FBXL13: variants seen among roughly 807,000 people sequenced by gnomAD.
The protein encoded by FBXL13 is F-box and leucine rich repeat protein 13, also known as F-box and leucine-rich repeat protein 13.
Under a neutral mutation model 83.6 loss-of-function variants are expected in FBXL13, and 67 were observed. The ratio of observed to expected loss-of-function variants is 0.80; its 90% CI spans 0.66 to 0.98. The LOEUF (loss-of-function observed/expected upper bound fraction) is 0.98. Ranked by LOEUF, FBXL13 falls within the 50% of genes least tolerant of loss-of-function variation. The probability of loss-of-function intolerance (pLI) is 0.00; values close to 1 mark genes in which losing one functional copy is unlikely to be tolerated. For synonymous variants in FBXL13, 272 were observed against 299.5 expected (o/e 0.91, Z 0.95); for missense variants, 822 against 866.5 (o/e 0.95, Z 0.64).
chr7:102,831,219 T>C (rs1174014594), intron 18 of FBXL13, among the ~76,000 whole-genome samples: 1 of 152,062 alleles, frequency 6.6e-6, no homozygotes, highest in African/African-American at 2.4e-5. Flanking sequence ...GTCACTTAGT[T>C]AGCCTAGCAA....
intron 18 of FBXL13, among the ~76,000 whole-genome samples, chr7:102,823,839 G>A (rs1799164135): frequency 6.6e-6 from 1 of 152,168 alleles, no homozygotes; most frequent in African/African-American, 2.4e-5. Context: ...AACACGCTTT[G>A]TTTCCGGAAC....
chr7:102,899,426 T>C (rs567079462), intron 11 of FBXL13, among the ~76,000 whole-genome samples: 15 of 152,340 alleles, frequency 9.8e-5, no homozygotes, highest in African/African-American at 3.1e-4. Context: ...GGCTTCTTTG[T>C]GAAGATTTCA....
At chr7:103,036,598 C>T (rs1200836222) in intron 2 of FBXL13, among the ~76,000 whole-genome samples, 2 of 152,116 alleles carry the variant, frequency 1.3e-5, no homozygotes, top group Non-Finnish European at 2.9e-5. Context: ...CTGCAATCTC[C>T]ACTCCCCGGT....
intron 2 of FBXL13, among the ~76,000 whole-genome samples, chr7:103,034,745 G>C (rs972568611): frequency 1.3e-5 from 2 of 152,242 alleles, no homozygotes; most frequent in South Asian, 4.1e-4. Context: ...TGCGAGGGCT[G>C]CCAGCACACT....
At chr7:102,897,951 T>C (rs1439593778) in intron 11 of FBXL13, among the ~76,000 whole-genome samples, 1 of 152,208 alleles carries the variant, frequency 6.6e-6, no homozygotes, top group Non-Finnish European at 1.5e-5. Context: ...ACTCCTTTTG[T>C]AATATACTTA....
intron 16 of FBXL13, among the ~76,000 whole-genome samples, chr7:102,868,417 T>C (rs1056024897): frequency 2.0e-5 from 3 of 152,204 alleles, no homozygotes; most frequent in African/African-American, 7.2e-5. Context: ...GATATTTGTC[T>C]TTCTGTGCTT....
chr7:103,044,458 A>G (rs1796066495), intron 2 of FBXL13, among the ~76,000 whole-genome samples: 1 of 152,218 alleles, frequency 6.6e-6, no homozygotes, highest in Non-Finnish European at 1.5e-5. Context: ...TTTATTCATA[A>G]GACAGTGGCA....
chr7:102,907,162 A>C (rs1813890093), intron 11 of FBXL13, among the ~76,000 whole-genome samples: 1 of 152,058 alleles, frequency 6.6e-6, no homozygotes, highest in African/African-American at 2.4e-5. Context: ...TAGTAAAGAC[A>C]GGGTTTCACC....
intron 6 of FBXL13, among the ~76,000 whole-genome samples, chr7:102,982,966 C>T (rs1828439741): frequency 6.6e-6 from 1 of 152,184 alleles, no homozygotes; most frequent in South Asian, 2.1e-4. Context: ...ATCCCATACC[C>T]TCATTATCCA....
At chr7:102,978,874 G>A (rs1303500535) in intron 6 of FBXL13, among the ~76,000 whole-genome samples, 3 of 152,126 alleles carry the variant, frequency 2.0e-5, no homozygotes, top group Non-Finnish European at 4.4e-5. Flanking sequence ...GTGACAAGGA[G>A]AATCTGACAA....
intron 16 of FBXL13, among the ~76,000 whole-genome samples, chr7:102,870,521 T>C (rs1253847742): frequency 6.6e-6 from 1 of 152,128 alleles, no homozygotes; most frequent in Non-Finnish European, 1.5e-5. Context: ...TTATCATCAG[T>C]GATTACTTGC....
chr7:102,886,830 G>GA (rs1235616840), intron 11 of FBXL13, among the ~76,000 whole-genome samples: 1 of 152,114 alleles, frequency 6.6e-6, no homozygotes, highest in Non-Finnish European at 1.5e-5. Flanking sequence ...AAAGAAAAGA[G>GA]AAAAAATGCT....
chr7:102,890,809 C>G (rs1448759016), intron 11 of FBXL13, among the ~76,000 whole-genome samples: 1 of 152,220 alleles, frequency 6.6e-6, no homozygotes, highest in Non-Finnish European at 1.5e-5. Context: ...CAGAGCCAGA[C>G]CCTCTAAGGC....
intron 6 of FBXL13, among the ~76,000 whole-genome samples, chr7:102,970,096 T>A (rs951640474): frequency 7.9e-5 from 12 of 151,784 alleles, no homozygotes; most frequent in African/African-American, 2.9e-4. Flanking sequence ...ACTAAAAATT[T>A]AAAAATTAGT....
chr7:103,043,796 G>A (rs1288597049), intron 2 of FBXL13, among the ~76,000 whole-genome samples: 1 of 152,198 alleles, frequency 6.6e-6, no homozygotes, highest in African/African-American at 2.4e-5. Flanking sequence ...TTACAGGTGT[G>A]AGCCACTGCA....
intron 6 of FBXL13, chr7:102,973,080 C>T (rs997679321): frequency 3.0e-5 from 5 of 164,492 alleles, no homozygotes; most frequent in Non-Finnish European, 5.3e-5. Flanking sequence ...AAAATCTACA[C>T]TTTCAGGCAC....
intron 8 of FBXL13, 150 bp downstream of exon 9, chr7:102,963,382 AC>A: frequency 1.2e-6 from 1 of 853,348 alleles, no homozygotes; most frequent in South Asian, 1.9e-5. Flanking sequence ...TAAGAGCTGC[AC>A]TATATTATAC....
At chr7:102,876,891 A>C (rs1218229768) in intron 16 of FBXL13, among the ~76,000 whole-genome samples, 1 of 152,224 alleles carries the variant, frequency 6.6e-6, no homozygotes, top group Non-Finnish European at 1.5e-5. Flanking sequence ...TATAGCCCAT[A>C]GTTCTTTCAG....
chr7:103,068,034 G>T (rs1051706933), intron 1 of FBXL13, among the ~76,000 whole-genome samples: 2 of 152,190 alleles, frequency 1.3e-5, no homozygotes, highest in African/African-American at 4.8e-5. Flanking sequence ...AAGAAATGGA[G>T]ATTTCAGAGA....
Sources: gnomAD v4.1 joint callset for allele counts (sites outside exome capture counted in the v4.1 genomes callset) on GRCh38, gnomAD v4.1.1 for gene constraint, MANE v1.5 for transcripts, NCBI Gene and HGNC (gene_info 2026-07-23, HGNC 2026-07-21) for gene names.